Variants in FAM227B observed in about 807,000 individuals in gnomAD.
FAM227B encodes the protein family with sequence similarity 227 member B.
A neutral mutation model predicts 73.8 loss-of-function variants in FAM227B; 88 were observed. The observed-to-expected ratio is 1.19, with a 90% CI of 1.00 to 1.42. The LOEUF (loss-of-function observed/expected upper bound fraction) is 1.42. FAM227B is among the 40% of genes most tolerant of loss of function. The probability of loss-of-function intolerance (pLI) is 0.00; values close to 1 mark genes in which losing one functional copy is unlikely to be tolerated. For missense variants in FAM227B, 632 were observed against 590.9 expected (o/e 1.07, Z -0.72); for synonymous variants, 210 against 190.5 (o/e 1.10, Z -0.84).
chr15:49,488,768 G>A (rs946905652), intron 11 of FAM227B: 1 of 151,998 alleles, frequency 6.6e-6, no homozygotes, highest in Non-Finnish European at 1.5e-5. Context: ...TTAATGGCTT[G>A]AAACAAATAT....
At chr15:49,564,050 C>T (rs1485496707) in intron 9 of FAM227B, among the ~76,000 whole-genome samples, 1 of 152,136 alleles carries the variant, frequency 6.6e-6, no homozygotes, top group Non-Finnish European at 1.5e-5. Context: ...CATAAACAGG[C>T]AACCTACAGA....
At position 49,532,884 on chromosome 15, in the gene FAM227B, A is replaced by G. The variant is rs116469013; in HGVS notation, c.874+8796T>C. On this transcript the variant is annotated intron_variant, in intron 10 of 15. Transcript: ENST00000299338. Reference sequence around the variant, plus strand: ...TATCTTTACAAATATTTGTAGGTAGAAACCATACAATCTTTTTCATATTTT... The same window carrying G: ...TATCTTTACAAATATTTGTAGGTAGGAACCATACAATCTTTTTCATATTTT... Among the ~76,000 whole-genome samples, 868 of 152,056 alleles carry G rather than the reference A, an allele frequency of 5.7e-3. 10 individuals are homozygous for G. The highest frequency in any genetic ancestry group is 0.02 in the African/African-American group (833 of 41,546).
intron 3 of FAM227B, among the ~76,000 whole-genome samples, chr15:49,590,588 T>C (rs1310153631): frequency 1.3e-5 from 2 of 152,216 alleles, no homozygotes; most frequent in Admixed American, 1.3e-4. Context: ...ATATTTATGA[T>C]GTACAATGTG....
rs1009620547 is a variant in FAM227B at position 49,340,422 on chromosome 15, C to T, written c.1272-4926G>A. 2.8e-3 allele frequency among the ~76,000 whole-genome samples: 401 copies of T among 143,384 alleles called. 1 individual carries two copies. The highest frequency in any genetic ancestry group is 9.6e-3 in the African/African-American group (372 of 38,816). The allele number at this position is 143,384 out of a possible 152,430, so 94.1% of individuals were successfully genotyped here. On this transcript the variant is annotated intron_variant, in intron 13 of 15. Transcript: ENST00000299338. ...TGCCCCGCCCCCCCCCTCCCCCCCC[C>T]GCTTTGCCTCGCCCTCCTTGGGCTG...
At position 49,589,943 on chromosome 15, in the gene FAM227B, A is replaced by AC. The variant is rs1297214047; in HGVS notation, c.169_170insG (p.Ile57SerfsTer5). On this transcript the variant is annotated frameshift_variant, in exon 4 of 16. Coordinates refer to ENST00000299338, the MANE Select transcript of FAM227B (RefSeq NM_152647.3). LOFTEE classifies it high-confidence loss of function. The stretch of plus-strand genomic sequence containing the variant: ...TGAAACAAATGAACTATCTTCTTTT[A>AC]TTTTTTTCAGAGTGCATGACCATTT... The AC allele has an allele frequency of 4.4e-6, 7 of 1,608,822 alleles. No individual in the cohort carries two copies. The highest frequency in any genetic ancestry group is 6.0e-6 in the Non-Finnish European group (7 of 1,175,366).
At chr15:49,343,065 T>C (rs1335237877) in intron 13 of FAM227B, among the ~76,000 whole-genome samples, 2 of 152,198 alleles carry the variant, frequency 1.3e-5, no homozygotes, top group African/African-American at 2.4e-5. Context: ...TGTCTACCTC[T>C]CTAACAAGAT....
intron 11 of FAM227B, among the ~76,000 whole-genome samples, chr15:49,394,332 T>C (rs1196463206): frequency 6.6e-6 from 1 of 151,962 alleles, no homozygotes; most frequent in East Asian, 1.9e-4. Flanking sequence ...GTAGATGTGG[T>C]GGTGGGAATT....
At chr15:49,336,334 T>C (rs1399412217) in intron 13 of FAM227B, among the ~76,000 whole-genome samples, 2 of 152,236 alleles carry the variant, frequency 1.3e-5, no homozygotes, top group Non-Finnish European at 2.9e-5. Context: ...CCTTAACCCA[T>C]GCCTGATCTG....
In FAM227B at chr15:49,327,729, T is replaced by TG. The variant is rs1459949494; in HGVS notation, c.*838dup. 2 of 407,634 alleles carry TG rather than the reference T, an allele frequency of 4.9e-6. No homozygotes were observed. The highest frequency in any genetic ancestry group is 8.7e-6 in the Non-Finnish European group (2 of 229,478). The allele number at this position is 407,634 out of a possible 1,614,324, so 25.3% of individuals were successfully genotyped here. ...GGAGGAGTACTGTTGACTTACCACT[T>TG]GGAGTCAAAACCAGGGACTAGATTT... On this transcript the variant is annotated 3_prime_UTR_variant, in exon 16 of 16. Transcript: ENST00000299338.
At chr15:49,483,797 A>G (rs947086145) in intron 11 of FAM227B, among the ~76,000 whole-genome samples, 1 of 152,134 alleles carries the variant, frequency 6.6e-6, no homozygotes, top group African/African-American at 2.4e-5. Flanking sequence ...ACAGCTAGGC[A>G]TAATGATACA....
rs1242889840 is a variant in FAM227B, at chr15:49,408,006, T to C, written c.1013-36607A>G. On this transcript the variant is annotated intron_variant, in intron 11 of 15. Transcript: ENST00000299338. ...TTGAGATTCATGCACATGTTCTACA[T>C]ACCAGTAAATAGTTTATTTTTATTG... Among the ~76,000 whole-genome samples the C allele has an allele frequency of 3.3e-5, 5 of 152,306 alleles. No individual in the cohort carries two copies. The East Asian group carries it at 9.6e-4, about 29-fold the overall frequency.
At chr15:49,491,590 G>A (rs1448670802) in intron 11 of FAM227B, among the ~76,000 whole-genome samples, 1 of 151,726 alleles carries the variant, frequency 6.6e-6, no homozygotes, top group Non-Finnish European at 1.5e-5. Context: ...ACCCTGCTCT[G>A]CTCTTAAGGA....
At chr15:49,338,888 C>T (rs1359380203) in intron 13 of FAM227B, among the ~76,000 whole-genome samples, 1 of 152,122 alleles carries the variant, frequency 6.6e-6, no homozygotes, top group East Asian at 1.9e-4. Flanking sequence ...GATTTTCAGT[C>T]TCTGATATCC....
intron 11 of FAM227B, among the ~76,000 whole-genome samples, chr15:49,387,924 T>C (rs986944708): frequency 6.6e-6 from 1 of 151,398 alleles, no homozygotes; most frequent in South Asian, 2.1e-4. Context: ...TATTTAACTA[T>C]GGAGGTGAAA....
intron 2 of FAM227B, among the ~76,000 whole-genome samples, chr15:49,612,619 T>A (rs944140350): frequency 6.6e-6 from 1 of 152,126 alleles, no homozygotes; most frequent in African/African-American, 2.4e-5. Flanking sequence ...TTCTAGAGAA[T>A]GAAAATCCAG....
chr15:49,601,527 T>C (rs2077205119), intron 3 of FAM227B, among the ~76,000 whole-genome samples: 1 of 152,158 alleles, frequency 6.6e-6, no homozygotes, highest in African/African-American at 2.4e-5. Context: ...ATGGTAGGTA[T>C]ATATATTTAT....
chr15:49,442,021 T>A (rs541695555), intron 11 of FAM227B, among the ~76,000 whole-genome samples: 1 of 151,756 alleles, frequency 6.6e-6, no homozygotes, highest in African/African-American at 2.4e-5. Context: ...AAAAGATCCA[T>A]TATAGTGTCC....
intron 10 of FAM227B, among the ~76,000 whole-genome samples, chr15:49,535,603 G>C (rs1404765536): frequency 1.3e-5 from 2 of 151,756 alleles, no homozygotes; most frequent in Non-Finnish European, 3.0e-5. Context: ...AAACCAGACA[G>C]AGATATTACA....
intron 10 of FAM227B, among the ~76,000 whole-genome samples, chr15:49,529,891 A>G (rs1721547744): frequency 6.6e-6 from 1 of 151,730 alleles, no homozygotes; most frequent in South Asian, 2.1e-4. Context: ...GACTTTATTC[A>G]CTCAGCATAA....
Sources: allele counts gnomAD v4.1 joint callset (sites outside exome capture counted in the v4.1 genomes callset), GRCh38; gene constraint gnomAD v4.1.1; transcripts MANE v1.5; gene names NCBI Gene and HGNC (gene_info 2026-07-23, HGNC 2026-07-21).